Variants in NMU observed in about 807,000 individuals in gnomAD.
The protein encoded by NMU is neuromedin U.
NMU carries 29 observed loss-of-function variants against 35.4 expected under a neutral mutation model. That is an observed-to-expected ratio of 0.82 (90% CI 0.61 to 1.12). The LOEUF is 1.12. Among genes scored for constraint, NMU ranks in the 50% most tolerant of loss-of-function variants. The pLI, the probability that NMU is intolerant of heterozygous loss-of-function variation, is 0.00. For synonymous variants in NMU, 78 were observed against 81.3 expected (o/e 0.96, Z 0.22); for missense variants, 199 against 206.2 (o/e 0.97, Z 0.21).
intron 3 of NMU, among the ~76,000 whole-genome samples, chr4:55,614,433 T>C (rs1734042429): frequency 1.3e-5 from 2 of 152,168 alleles, no homozygotes. Flanking sequence ...TCTTATTAAC[T>C]AAGTAATTAA....
Position 55,609,140 on chromosome 4 carries a change from C to T in NMU, c.259G>A (p.Gly87Arg). The T allele has an allele frequency of 6.2e-7, 1 of 1,613,466 alleles. No homozygotes were observed. The highest frequency in any genetic ancestry group is 1.3e-5 in the African/African-American group (1 of 75,016). Reference protein sequence around the residue: ...ALEELCFMIMGMLPKPQEQDE... With the variant: ...ALEELCFMIMRMLPKPQEQDE... ...CTTACCTGAGGCTTTGGTAGCATTC[C>T]CATAATCATAAAGCAAAGCTCCTCC... The change falls in exon 4 of 10, where the codon GGA becomes AGA. Residue 87 changes from glycine (G) to arginine (R), a missense_variant. Gly to Arg is a moderately radical substitution (Grantham distance 125). Coordinates refer to ENST00000264218, the MANE Select transcript of NMU (RefSeq NM_006681.4).
intron 3 of NMU, among the ~76,000 whole-genome samples, 180 bp from the exon 4 acceptor site, chr4:55,609,359 A>G (rs963690324): frequency 2.0e-5 from 3 of 150,352 alleles, no homozygotes; most frequent in Non-Finnish European, 2.9e-5. Flanking sequence ...ACTTGGCTGT[A>G]AAAGTAAAGC....
At chr4:55,599,326 A>C (rs1428262444) in intron 8 of NMU, 145 bp from the exon 9 acceptor site, 2 of 655,472 alleles carry the variant, frequency 3.1e-6, no homozygotes, top group South Asian at 3.6e-5. Flanking sequence ...GCTGGACCCC[A>C]TAGCCAGAAT....
rs75641166 is a variant in NMU at position 55,635,091 on chromosome 4, C to T, written c.112+990G>A. On this transcript the variant is annotated intron_variant, in intron 1 of 9. Coordinates refer to ENST00000264218, the MANE Select transcript of NMU (RefSeq NM_006681.4). ...ATGACACAACAGTCTGCCACTTTTA[C>T]CTCACGACAGGAGAGCAGAGGGAAG... 3.9e-4 allele frequency among the ~76,000 whole-genome samples: 60 copies of T among 152,288 alleles called. No individual in the cohort carries two copies. In the East Asian group the frequency reaches 0.011, roughly 28 times the overall value.
intron 2 of NMU, among the ~76,000 whole-genome samples, chr4:55,626,783 G>T (rs960535270): frequency 2.0e-5 from 3 of 152,172 alleles, no homozygotes; most frequent in South Asian, 2.1e-4. Context: ...TTTGCTGAAA[G>T]AAGTTTTATT....
intron 1 of NMU, among the ~76,000 whole-genome samples, chr4:55,633,166 TA>T (rs1179656716): frequency 6.6e-6 from 1 of 151,476 alleles, no homozygotes; most frequent in African/African-American, 2.4e-5. Context: ...CTACTAAAAA[TA>T]CAAAAAAATT....
intron 3 of NMU, among the ~76,000 whole-genome samples, chr4:55,611,493 G>A (rs1291642720): frequency 6.6e-6 from 1 of 152,164 alleles, no homozygotes; most frequent in Non-Finnish European, 1.5e-5. Flanking sequence ...TATGAAATCT[G>A]CAGTAGTGTA....
rs1733736041 is a variant in NMU at position 55,607,444 on chromosome 4, G to A, written c.302C>T (p.Thr101Ile). Residue 101 changes from threonine to isoleucine, a missense_variant, in exon 5 of 10, where the codon ACT (threonine) becomes ATT (isoleucine). Thr to Ile is a moderately conservative substitution (Grantham distance 89). Transcript: ENST00000264218. ...KPQEQDEKDN[T>I]KRFLFHYSKT... is the part of the protein sequence containing the mutation. ...GTATGAAAATCATCTTACCCTTTTA[G>A]TATTATCTTTTTCATCTTGTTCCTA... The A allele has an allele frequency of 9.7e-7, 1 of 1,036,250 alleles. No homozygotes were observed. The highest frequency in any genetic ancestry group is 1.4e-5 in the South Asian group (1 of 72,986). 64.2% of individuals were successfully genotyped at this position (1,036,250 alleles called of 1,614,324 possible).
intron 1 of NMU, among the ~76,000 whole-genome samples, chr4:55,634,306 A>G (rs1340832844): frequency 6.6e-6 from 1 of 152,160 alleles, no homozygotes; most frequent in Non-Finnish European, 1.5e-5. Flanking sequence ...TTTTTTTAGT[A>G]TTCAGAGCAG....
intron 8 of NMU, among the ~76,000 whole-genome samples, chr4:55,599,547 A>G (rs1278266813): frequency 6.6e-6 from 1 of 152,146 alleles, no homozygotes; most frequent in African/African-American, 2.4e-5. Flanking sequence ...TTAGCTGCTT[A>G]CTTCTTCCTG....
intron 2 of NMU, 58 bp downstream of exon 2, chr4:55,630,344 A>G (rs1044311490): frequency 8.1e-7 from 1 of 1,227,218 alleles, no homozygotes; most frequent in Non-Finnish European, 1.2e-6. Context: ...ACATTTTAAC[A>G]TGATAATTTC....
rs77607187 is a variant in NMU, at chr4:55,604,017, G to A, written c.435+1258C>T. ...TATATACGTATATATGTATATATGTGTATATATATAATCCTAGAAATTATC... is the reference window on the plus strand; with the variant it reads ...TATATACGTATATATGTATATATGTATATATATATAATCCTAGAAATTATC... On this transcript the variant is annotated intron_variant, in intron 7 of 9. Transcript: ENST00000264218. Among the ~76,000 whole-genome samples the A allele has an allele frequency of 2.4e-3, 63 of 25,762 alleles. 11 individuals are homozygous for A. The highest frequency in any genetic ancestry group is 6.9e-3 in the African/African-American group (51 of 7,406). 16.9% of individuals were successfully genotyped at this position (25,762 alleles called of 152,430 possible).
At chr4:55,603,590 T>C (rs1733515100) in intron 7 of NMU, among the ~76,000 whole-genome samples, 1 of 151,844 alleles carries the variant, frequency 6.6e-6, no homozygotes, top group Non-Finnish European at 1.5e-5. Flanking sequence ...AATTATAATG[T>C]ATTACAGCAA....
intron 7 of NMU, 94 bp from the exon 8 acceptor site, chr4:55,600,669 A>C (rs1733390898): frequency 1.2e-6 from 1 of 861,730 alleles, no homozygotes; most frequent in African/African-American, 1.7e-5. Flanking sequence ...AATTACTTTC[A>C]ACTGTCATAA....
At position 55,636,274 on chromosome 4, in the gene NMU, T is replaced by C. The variant is rs1209299646; in HGVS notation, c.-82A>G. On this transcript the variant is annotated 5_prime_UTR_variant, in exon 1 of 10. Coordinates refer to ENST00000264218, the MANE Select transcript of NMU (RefSeq NM_006681.4). The surrounding 1 kb of genome is among the most constrained non-coding windows in gnomAD (Gnocchi z 4.0). ...GGTGCTCCACCTGGTGCCCTGGCTG[T>C]GCCTCGGGGCCCGGACACAGGACTG... 3 of 1,400,786 alleles carry C rather than the reference T, an allele frequency of 2.1e-6. No individual in the cohort carries two copies. Among genetic ancestry groups the C allele is most frequent in the Non-Finnish European group, 2.8e-6 (3 of 1,087,262 alleles). The allele number at this position is 1,400,786 out of a possible 1,614,324, so 86.8% of individuals were successfully genotyped here.
At chr4:55,612,340 T>C (rs12649925) in intron 3 of NMU, among the ~76,000 whole-genome samples, 55,365 of 152,026 alleles carry the variant, frequency 0.36, 10,449 homozygotes, top group East Asian at 0.59. Context: ...TTCGTAGCTG[T>C]GGCGAGCTAT....
chr4:55,595,624 T>C (rs1733143690), intron 9 of NMU, among the ~76,000 whole-genome samples: 1 of 89,186 alleles, frequency 1.1e-5, no homozygotes. Flanking sequence ...TGTGTGTGTG[T>C]ATATATATAT....
At chr4:55,625,439 T>C (rs1734487790) in intron 2 of NMU, among the ~76,000 whole-genome samples, 1 of 152,226 alleles carries the variant, frequency 6.6e-6, no homozygotes. Flanking sequence ...ATTTCTAGCA[T>C]GTACCTAGAT....
At chr4:55,603,143 GC>G (rs1427700863) in intron 7 of NMU, among the ~76,000 whole-genome samples, 1 of 151,948 alleles carries the variant, frequency 6.6e-6, no homozygotes, top group Non-Finnish European at 1.5e-5. Flanking sequence ...GATTACAGGT[GC>G]CGCCACCATG....
Sources: gnomAD v4.1 joint callset for allele counts (sites outside exome capture counted in the v4.1 genomes callset) on GRCh38, gnomAD v4.1.1 for gene constraint, Gnocchi (gnomAD v3.1) non-coding constraint, MANE v1.5 for transcripts, NCBI Gene and HGNC (gene_info 2026-07-23, HGNC 2026-07-21) for gene names.